RASA3: variants seen among roughly 807,000 people sequenced by gnomAD.
RASA3 encodes ras GTPase-activating protein 3.
In RASA3, 73 loss-of-function variants were observed where a neutral mutation model predicts 110.0. That is an observed-to-expected ratio of 0.66 (90% CI 0.55 to 0.81). The LOEUF (loss-of-function observed/expected upper bound fraction) is 0.81, where lower values mean the gene tolerates loss of function less well. RASA3 is among the 30% of genes least tolerant of loss of function. The pLI, the probability that RASA3 is intolerant of heterozygous loss-of-function variation, is 0.00. For synonymous variants in RASA3, 500 were observed against 451.4 expected, an observed-to-expected ratio of 1.11 and a Z score of -1.37; for missense variants, 976 against 1,113.2, an observed-to-expected ratio of 0.88 and a Z score of 1.75.
chr13:114,078,029 T>C (rs1294848344), intron 1 of RASA3: 5 of 976,508 alleles, frequency 5.1e-6, no homozygotes, highest in African/African-American at 3.5e-5. Context: ...ACATCCTGGT[T>C]GCTATGACGA....
chr13:114,027,236 C>T (rs1354649413), intron 7 of RASA3, among the ~76,000 whole-genome samples, 153 bp downstream of exon 7: 1 of 151,376 alleles, frequency 6.6e-6, no homozygotes, highest in Non-Finnish European at 1.5e-5. Flanking sequence ...TCGCTCCTCT[C>T]CGGAAGGAAC....
rs2139015574 is a variant in RASA3, at chr13:113,978,756, C to T, written c.*591G>A. 1 of 153,998 alleles carries T rather than the reference C, an allele frequency of 6.5e-6. No individual in the cohort carries two copies. Among genetic ancestry groups the T allele is most frequent in the East Asian group, 1.9e-4 (1 of 5,226 alleles). The allele number at this position is 153,998 out of a possible 1,614,324, so 9.5% of individuals were successfully genotyped here. A position where few individuals can be genotyped will look rare whatever the true frequency, so the allele number is the denominator to read the frequency against. On this transcript the variant is annotated 3_prime_UTR_variant, in exon 24 of 24. Coordinates refer to ENST00000334062, the MANE Select transcript of RASA3 (RefSeq NM_007368.4). The stretch of plus-strand genomic sequence containing the variant: ...CTGCACCTCCCAGCCATAAAACTGA[C>T]CCCTCAGCCAGGAATCAAACGAACC...
chr13:114,105,931 ACT>A (rs1301171709), intron 1 of RASA3, among the ~76,000 whole-genome samples: 5 of 152,136 alleles, frequency 3.3e-5, no homozygotes, highest in Non-Finnish European at 7.3e-5. Context: ...ACAGTGCAAG[ACT>A]CTGACACACA....
At position 114,048,484 on chromosome 13, in the gene RASA3, C is replaced by T. The variant is rs1306997144; in HGVS notation, c.277+3568G>A. ...AGGCCTAGCGGGAAAAGGAGGGAGG[C>T]GCCAGGATCGGGGGCGGAGACCCCA... On this transcript the variant is annotated intron_variant, in intron 3 of 23. Transcript: ENST00000334062. This position sits in a 1 kb window ranked among gnomAD's most constrained non-coding sequence, Gnocchi z 4.3. 1.3e-5 allele frequency among the ~76,000 whole-genome samples: 2 copies of T among 152,102 alleles called. No homozygotes were observed. The highest frequency in any genetic ancestry group is 2.9e-5 in the Non-Finnish European group (2 of 68,018).
At chr13:114,059,018 C>A (rs2079293294) in intron 2 of RASA3, among the ~76,000 whole-genome samples, 1 of 152,228 alleles carries the variant, frequency 6.6e-6, no homozygotes, top group Admixed American at 6.5e-5. Flanking sequence ...GGCAACATAG[C>A]AAGACCCCAA....
At chr13:113,981,372 G>A (rs1214903871) in intron 23 of RASA3, among the ~76,000 whole-genome samples, 2 of 152,220 alleles carry the variant, frequency 1.3e-5, no homozygotes, top group Non-Finnish European at 1.5e-5. Flanking sequence ...CCTAGAGACT[G>A]CCAGAGCACG....
intron 1 of RASA3, among the ~76,000 whole-genome samples, chr13:114,127,997 C>T (rs1042901017): frequency 2.0e-5 from 3 of 152,246 alleles, no homozygotes; most frequent in Non-Finnish European, 2.9e-5. Context: ...AGGCAAGGCC[C>T]GGGCCCCAGG....
intron 5 of RASA3, among the ~76,000 whole-genome samples, chr13:114,029,249 G>GGT (rs747626945): frequency 6.1e-5 from 1 of 16,322 alleles, no homozygotes. Flanking sequence ...GCATCATCCT[G>GGT]GGGCCAGGAC....
intron 2 of RASA3, among the ~76,000 whole-genome samples, chr13:114,066,672 T>A (rs1159732515): frequency 6.6e-6 from 1 of 152,082 alleles, no homozygotes; most frequent in Non-Finnish European, 1.5e-5. Flanking sequence ...GCCGGCTGAG[T>A]TCCTGTGCGG....
At position 113,989,246 on chromosome 13, in the gene RASA3, TCTCACCCATCTGTCCATCCACCCATCA is replaced by T. The variant is rs2053044658; in HGVS notation, c.2245+3212_2245+3238del. On this transcript the variant is annotated intron_variant, in intron 22 of 23. Coordinates refer to ENST00000334062, the MANE Select transcript of RASA3 (RefSeq NM_007368.4). ...CTACCCATCCATCCATCCACCCATC[TCTCACCCATCTGTCCATCCACCCATCA>T]CTCACCCATCCGTCCATCCACCCAT... is the stretch of plus-strand genomic sequence containing the variant. Among the ~76,000 whole-genome samples, 5 of 104,532 alleles carry T rather than the reference TCTCACCCATCTGTCCATCCACCCATCA, an allele frequency of 4.8e-5. No homozygotes were observed. The South Asian group carries it at 1.1e-3, about 23-fold the overall frequency. The allele number at this position is 104,532 out of a possible 152,430, so 68.6% of individuals were successfully genotyped here.
In RASA3 at chr13:114,070,694, C is replaced by T. The variant is rs568753505; in HGVS notation, c.173+3026G>A. Among the ~76,000 whole-genome samples the T allele has an allele frequency of 5.3e-3, 772 of 146,494 alleles. 3 individuals are homozygous for T. Among genetic ancestry groups the T allele is most frequent in the Middle Eastern group, 0.029 (8 of 274 alleles). On this transcript the variant is annotated intron_variant, in intron 2 of 23. Transcript: ENST00000334062. Reference sequence around the variant, plus strand: ...ACGTGGGCAGGGCTGCCGGCGTCCACGCTAAACGGCGCCACAGTCTTACAC... The same window carrying T: ...ACGTGGGCAGGGCTGCCGGCGTCCATGCTAAACGGCGCCACAGTCTTACAC...
At chr13:113,981,078 A>G (rs78443716) in intron 23 of RASA3, among the ~76,000 whole-genome samples, 15,140 of 152,298 alleles carry the variant, frequency 0.099, 980 homozygotes, top group Middle Eastern at 0.15. Context: ...TGCTCACTCC[A>G]GGCTAAGAGC....
intron 3 of RASA3, among the ~76,000 whole-genome samples, chr13:114,044,516 G>C (rs369433181): frequency 0.14 from 357 of 2,596 alleles, 31 homozygotes; most frequent in South Asian, 0.19. Flanking sequence ...GAGCTCCCCC[G>C]CCGCCTCACT....
At chr13:114,009,110 C>A (rs564522862) in intron 17 of RASA3, among the ~76,000 whole-genome samples, 1 of 152,340 alleles carries the variant, frequency 6.6e-6, no homozygotes, top group South Asian at 2.1e-4. Context: ...GTGGGACGCG[C>A]CCTCATTCGG....
chr13:114,057,468 C>A lies in RASA3; in HGVS notation c.174-5313G>T. On this transcript the variant is annotated intron_variant, in intron 2 of 23. Coordinates refer to ENST00000334062, the MANE Select transcript of RASA3 (RefSeq NM_007368.4). This position sits in a 1 kb window ranked among gnomAD's most constrained non-coding sequence, Gnocchi z 5.0. ...TGCAGGATTTCAAGGAAAGCTGGAG[C>A]CAGTCTCTGTGCCAGAATAGAGGGT... 1.0e-6 allele frequency: 1 copy of A among 985,422 alleles called. No homozygotes were observed. Among genetic ancestry groups the A allele is most frequent in the Non-Finnish European group, 1.2e-6 (1 of 829,922 alleles). 61.0% of individuals were successfully genotyped at this position (985,422 alleles called of 1,614,324 possible).
intron 4 of RASA3, among the ~76,000 whole-genome samples, chr13:114,033,140 ACAC>A (rs2054206810): frequency 1.3e-5 from 1 of 74,196 alleles, no homozygotes; most frequent in African/African-American, 6.0e-5. Context: ...CCCCGCACTG[ACAC>A]CACACCCCAC....
intron 21 of RASA3, among the ~76,000 whole-genome samples, chr13:113,994,670 C>CA (rs2053193106): frequency 6.6e-6 from 1 of 152,136 alleles, no homozygotes; most frequent in South Asian, 2.1e-4. Flanking sequence ...CCCGTCTCTA[C>CA]AAAAAACCAA....
At position 114,097,090 on chromosome 13, in the gene RASA3, C is replaced by A. The variant is rs538863713; in HGVS notation, c.56-23253G>T. Among the ~76,000 whole-genome samples, 12 of 152,308 alleles carry A rather than the reference C, an allele frequency of 7.9e-5. 1 individual carries two copies. The highest frequency in any genetic ancestry group is 3.4e-3 in the Middle Eastern group (1 of 294). ...TGAGGCTGTGGCACTTCCCCTTCCA[C>A]CAGGCACAGCAGCTATAGTTGTGTG... On this transcript the variant is annotated intron_variant, in intron 1 of 23. Transcript: ENST00000334062.
chr13:114,034,326 C>T (rs923546642), intron 4 of RASA3, among the ~76,000 whole-genome samples: 1 of 152,268 alleles, frequency 6.6e-6, no homozygotes, highest in Non-Finnish European at 1.5e-5. Flanking sequence ...GCTGTGCAGA[C>T]GGAGGTAGCT....
Sources: allele counts gnomAD v4.1 joint callset (sites outside exome capture counted in the v4.1 genomes callset), GRCh38; gene constraint gnomAD v4.1.1; non-coding constraint Gnocchi (gnomAD v3.1); transcripts MANE v1.5; gene names NCBI Gene and HGNC (gene_info 2026-07-23, HGNC 2026-07-21).